DOCK3: variants seen among roughly 807,000 people sequenced by gnomAD.
DOCK3 encodes dedicator of cytokinesis 3.
Under a neutral mutation model 265.6 loss-of-function variants are expected in DOCK3, and 60 were observed. The ratio of observed to expected loss-of-function variants is 0.23; its 90% CI spans 0.18 to 0.28. The LOEUF is 0.28. DOCK3 is among the 10% of genes least tolerant of loss of function. The pLI is 1.00. For missense variants in DOCK3, 1,981 were observed against 2,594.3 expected (o/e 0.76, Z 5.14); for synonymous variants, 881 against 938.0 (o/e 0.94, Z 1.11).
At chr3:51,294,285 T>G (rs1022617088) in intron 27 of DOCK3, among the ~76,000 whole-genome samples, 1 of 152,200 alleles carries the variant, frequency 6.6e-6, no homozygotes, top group Non-Finnish European at 1.5e-5. Context: ...TTTTGTCATT[T>G]CCAGCAACAT....
intron 2 of DOCK3, among the ~76,000 whole-genome samples, chr3:50,782,533 G>A (rs763584099): frequency 4.6e-5 from 7 of 151,238 alleles, no homozygotes; most frequent in Admixed American, 1.3e-4. Context: ...CTCGTGATCC[G>A]CCCGCCTCGG....
At chr3:51,032,468 T>G (rs1450666277) in intron 5 of DOCK3, among the ~76,000 whole-genome samples, 2 of 152,224 alleles carry the variant, frequency 1.3e-5, no homozygotes, top group African/African-American at 4.8e-5. Flanking sequence ...AAGTTTATCT[T>G]CTTTTGATTT....
At chr3:50,970,581 C>G (rs2077168374) in intron 5 of DOCK3, among the ~76,000 whole-genome samples, 1 of 151,662 alleles carries the variant, frequency 6.6e-6, no homozygotes, top group East Asian at 1.9e-4. Flanking sequence ...AGTCTATTGT[C>G]TTCAGTGAAC....
At chr3:50,747,479 G>C (rs2039517461) in intron 1 of DOCK3, among the ~76,000 whole-genome samples, 1 of 152,222 alleles carries the variant, frequency 6.6e-6, no homozygotes, top group South Asian at 2.1e-4. Context: ...AAATATTTTA[G>C]TTATCAGTAT....
intron 5 of DOCK3, among the ~76,000 whole-genome samples, chr3:51,011,231 G>A (rs570171241): frequency 5.9e-5 from 9 of 152,176 alleles, no homozygotes; most frequent in South Asian, 2.1e-4. Context: ...ACTTGGTTCC[G>A]TTCTCCCCGT....
chr3:51,232,383 A>G (rs2078163136), intron 19 of DOCK3, among the ~76,000 whole-genome samples: 2 of 152,248 alleles, frequency 1.3e-5, no homozygotes, highest in African/African-American at 2.4e-5. Context: ...TCCTTTGGGT[A>G]GATTCCTAGT....
At chr3:51,158,832 A>T (rs746391972) in intron 10 of DOCK3, among the ~76,000 whole-genome samples, 8 of 152,226 alleles carry the variant, frequency 5.3e-5, no homozygotes, top group Admixed American at 4.6e-4. Flanking sequence ...TTAGTGGAGA[A>T]CAAACTTATA....
rs1553618696 is a variant in DOCK3 at position 51,381,478 on chromosome 3, C to T, written c.6012C>T (p.His2004=). Residue 2004 remains histidine, a synonymous_variant, in exon 53 of 53, where the codon CAC becomes CAT. Transcript: ENST00000266037. The surrounding 1 kb of genome is among the most constrained non-coding windows in gnomAD (Gnocchi z 5.6). ...REETERPRGL[H]RKAPLPPGSA... ...AGACTGAGAGGCCTCGAGGCCTGCACCGCAAGGCTCCATTGCCTCCTGGGA... is the reference window on the plus strand; with the variant it reads ...AGACTGAGAGGCCTCGAGGCCTGCATCGCAAGGCTCCATTGCCTCCTGGGA... The T allele has an allele frequency of 6.3e-7, 1 of 1,590,342 alleles. No homozygotes were observed. The highest frequency in any genetic ancestry group is 8.6e-7 in the Non-Finnish European group (1 of 1,169,226).
chr3:50,933,915 C>A, intron 4 of DOCK3, 66 bp from the exon 5 acceptor site: 3 of 1,042,582 alleles, frequency 2.9e-6, no homozygotes, highest in Non-Finnish European at 4.1e-6. Context: ...TAGAAAAAGA[C>A]AGGAGACAGT....
chr3:51,333,465 C>T (rs948501882), intron 35 of DOCK3, among the ~76,000 whole-genome samples: 1 of 152,162 alleles, frequency 6.6e-6, no homozygotes, highest in Non-Finnish European at 1.5e-5. Flanking sequence ...TGGGATTCCC[C>T]ACTAAAATGT....
intron 1 of DOCK3, among the ~76,000 whole-genome samples, chr3:50,696,735 G>T (rs910191059): frequency 5.3e-5 from 8 of 152,138 alleles, no homozygotes; most frequent in African/African-American, 1.7e-4. Context: ...AGTGCTATGG[G>T]AAACCCGCAT....
intron 32 of DOCK3, among the ~76,000 whole-genome samples, chr3:51,321,600 C>T (rs1192819211): frequency 6.6e-6 from 1 of 152,106 alleles, no homozygotes; most frequent in Admixed American, 6.5e-5. Flanking sequence ...AGACGAATTG[C>T]TAACTGGAAT....
intron 3 of DOCK3, among the ~76,000 whole-genome samples, chr3:50,882,252 C>T (rs564268490): frequency 2.4e-4 from 37 of 152,180 alleles, no homozygotes; most frequent in South Asian, 2.3e-3. Flanking sequence ...CAACAAAAGC[C>T]AAAATAGACA....
At chr3:51,029,352 G>T (rs2079947497) in intron 5 of DOCK3, among the ~76,000 whole-genome samples, 1 of 152,182 alleles carries the variant, frequency 6.6e-6, no homozygotes, top group Non-Finnish European at 1.5e-5. Flanking sequence ...CCCTCTGCGG[G>T]GCTGGAGCTG....
At chr3:51,311,926 T>A (rs1453537181) in intron 28 of DOCK3, 78 bp from the exon 29 acceptor site, 18 of 1,092,238 alleles carry the variant, frequency 1.6e-5, no homozygotes, top group Non-Finnish European at 2.3e-5. Flanking sequence ...GCACACAGGC[T>A]ATAGACAGCT....
chr3:50,920,127 A>T (rs1207011169), intron 4 of DOCK3, among the ~76,000 whole-genome samples: 4 of 152,124 alleles, frequency 2.6e-5, no homozygotes, highest in African/African-American at 9.7e-5. Flanking sequence ...AAGCTTTTTG[A>T]TGTGCTGCTG....
At chr3:50,880,895 T>C (rs1461247263) in intron 3 of DOCK3, among the ~76,000 whole-genome samples, 2 of 152,124 alleles carry the variant, frequency 1.3e-5, no homozygotes, top group Non-Finnish European at 1.5e-5. Context: ...ACTGGCAAAC[T>C]GAATCCAGCA....
In DOCK3 at chr3:50,930,863, G is replaced by A. The variant is rs140038119; in HGVS notation, c.219-3118G>A. On this transcript the variant is annotated intron_variant, in intron 4 of 52. Transcript: ENST00000266037. ...GCGACCGTACCTCTGGCTGATCCCC[G>A]AAGTGGGCACCACTCTCACTTCCCC... Among the ~76,000 whole-genome samples the A allele has an allele frequency of 3.2e-3, 486 of 152,228 alleles. 16 individuals carry two copies. The East Asian group carries it at 0.074, about 23-fold the overall frequency.
intron 3 of DOCK3, chr3:50,877,735 G>A (rs1181792642): frequency 3.0e-5 from 10 of 334,436 alleles, no homozygotes; most frequent in East Asian, 1.7e-4. Flanking sequence ...GTGCAGTGGC[G>A]TGATCTCAGC....
Sources: allele counts gnomAD v4.1 joint callset (sites outside exome capture counted in the v4.1 genomes callset), GRCh38; gene constraint gnomAD v4.1.1; non-coding constraint Gnocchi (gnomAD v3.1); transcripts MANE v1.5; gene names NCBI Gene and HGNC (gene_info 2026-07-23, HGNC 2026-07-21).